PRKG1: variants seen among roughly 807,000 people sequenced by gnomAD.
The protein encoded by PRKG1 is cGMP-dependent protein kinase 1.
A neutral mutation model predicts 88.1 loss-of-function variants in PRKG1; 35 were observed. The ratio of observed to expected loss-of-function variants is 0.40; its 90% CI spans 0.30 to 0.53. The LOEUF is 0.53. Among genes scored for constraint, PRKG1 ranks in the 20% least tolerant of loss-of-function variants. PRKG1 has a pLI of 0.59. For synonymous variants in PRKG1, 303 were observed against 292.5 expected, an observed-to-expected ratio of 1.04 and a Z score of -0.37; for missense variants, 540 against 839.8, an observed-to-expected ratio of 0.64 and a Z score of 4.41.
chr10:51,549,120 C>CTTTTTTTTTTTTTTTTTTTTTTTT lies in PRKG1; in HGVS notation c.592+81305_592+81306insTTTTTTTTTTTTTTTTTTTTTTTT. 2.8e-3 allele frequency among the ~76,000 whole-genome samples: 194 copies of CTTTTTTTTTTTTTTTTTTTTTTTT among 70,336 alleles called. 22 individuals carry two copies. The highest frequency in any genetic ancestry group is 0.014 in the East Asian group (13 of 898). The allele number at this position is 70,336 out of a possible 152,430, so 46.1% of individuals were successfully genotyped here. A position where few individuals can be genotyped will look rare whatever the true frequency, so the allele number is the denominator to read the frequency against. Reference sequence around the variant, plus strand: ...TTCTTTCCTTTCTTTCTTTTCTTTTCTTTTTTTTTTTTTTTTTTTTTGAGA... The same window carrying CTTTTTTTTTTTTTTTTTTTTTTTT: ...TTCTTTCCTTTCTTTCTTTTCTTTTCTTTTTTTTTTTTTTTTTTTTTTTTTTTTTTTTTTTTTTTTTTTTTGAGA... On this transcript the variant is annotated intron_variant, in intron 3 of 17. Coordinates refer to ENST00000373980, the MANE Select transcript of PRKG1 (RefSeq NM_006258.4).
intron 2 of PRKG1, among the ~76,000 whole-genome samples, chr10:51,174,368 A>T (rs1434231264): frequency 6.6e-6 from 1 of 151,980 alleles, no homozygotes. Context: ...ATAAATAAAT[A>T]CTAAATTCTT....
At chr10:51,206,671 G>A (rs2132065140) in intron 2 of PRKG1, among the ~76,000 whole-genome samples, 1 of 152,264 alleles carries the variant, frequency 6.6e-6, no homozygotes, top group South Asian at 2.1e-4. Context: ...TTTTTCTTGG[G>A]AAATAGAGAT....
intron 5 of PRKG1, among the ~76,000 whole-genome samples, chr10:51,979,588 C>T (rs1843951317): frequency 1.4e-5 from 2 of 140,218 alleles, no homozygotes; most frequent in African/African-American, 2.6e-5. Flanking sequence ...TAGAGTTCAA[C>T]TCTGAATCCA....
chr10:52,211,699 TA>T (rs57320498), intron 9 of PRKG1, among the ~76,000 whole-genome samples: 10,024 of 119,898 alleles, frequency 0.084, 553 homozygotes, highest in East Asian at 0.31. Flanking sequence ...CCTATCCTGG[TA>T]AAAAAAAAAA....
chr10:51,944,776 T>C (rs1178405770), intron 5 of PRKG1, among the ~76,000 whole-genome samples: 1 of 152,110 alleles, frequency 6.6e-6, no homozygotes, highest in Non-Finnish European at 1.5e-5. Flanking sequence ...TGAGTGAGTT[T>C]CTTAATCCTG....
At position 51,114,177 on chromosome 10, in the gene PRKG1, C is replaced by T. The variant is rs530016190; in HGVS notation, c.312-38987C>T. Among the ~76,000 whole-genome samples the T allele has an allele frequency of 2.0e-5, 3 of 152,212 alleles. No individual in the cohort carries two copies. The South Asian group carries it at 6.2e-4, about 32-fold the overall frequency. ...TCTAGTCAAACTTCCTTTAATACTACATTGCTCCTATACGACATGATTTAG... is the reference window on the plus strand; with the variant it reads ...TCTAGTCAAACTTCCTTTAATACTATATTGCTCCTATACGACATGATTTAG... On this transcript the variant is annotated intron_variant, in intron 1 of 17. Transcript: ENST00000373980.
At position 51,286,515 on chromosome 10, in the gene PRKG1, T is replaced by TGCC. The variant is rs1312932994; in HGVS notation, c.478+133185_478+133186insGCC. Among the ~76,000 whole-genome samples the TGCC allele has an allele frequency of 2.6e-5, 4 of 152,358 alleles. No individual in the cohort carries two copies. In the East Asian group the frequency reaches 7.7e-4, roughly 29 times the overall value. On this transcript the variant is annotated intron_variant, in intron 2 of 17. Transcript: ENST00000373980. Reference sequence around the variant, plus strand: ...TATTCTAACTTGAATTTCCTCTCTTTATTGCTTTTCCTCTCTTAGCTGTAT... The same window carrying TGCC: ...TATTCTAACTTGAATTTCCTCTCTTTGCCATTGCTTTTCCTCTCTTAGCTGTAT...
At chr10:51,165,196 A>C (rs1379964133) in intron 2 of PRKG1, among the ~76,000 whole-genome samples, 6 of 152,098 alleles carry the variant, frequency 3.9e-5, no homozygotes, top group Non-Finnish European at 8.8e-5. Context: ...TAACAGCAGA[A>C]CTCTCAGCAG....
chr10:51,979,410 G>GTTTTTTTGTTTTT (rs1843937173), intron 5 of PRKG1, among the ~76,000 whole-genome samples: 1 of 47,056 alleles, frequency 2.1e-5, no homozygotes, highest in Non-Finnish European at 3.6e-5. Flanking sequence ...ATATTGGTCT[G>GTTTTTTTGTTTTT]TTTTTTTTTT....
chr10:52,081,024 G>C (rs961502583), intron 7 of PRKG1, among the ~76,000 whole-genome samples: 1 of 152,172 alleles, frequency 6.6e-6, no homozygotes, highest in Admixed American at 6.5e-5. Context: ...CCTGTGTTCA[G>C]TCCGGCTTCC....
chr10:51,740,350 G>T (rs180847688), intron 3 of PRKG1, among the ~76,000 whole-genome samples: 5 of 152,144 alleles, frequency 3.3e-5, no homozygotes, highest in African/African-American at 1.2e-4. Context: ...TTTAATGTGG[G>T]TTATAGCTAT....
intron 8 of PRKG1, among the ~76,000 whole-genome samples, chr10:52,154,679 G>C (rs752048746): frequency 5.9e-5 from 9 of 152,040 alleles, no homozygotes; most frequent in Non-Finnish European, 8.8e-5. Flanking sequence ...TTGGAGTACA[G>C]GTGGTTTTTG....
intron 2 of PRKG1, among the ~76,000 whole-genome samples, chr10:51,172,162 C>A (rs768862215): frequency 2.0e-5 from 3 of 151,980 alleles, no homozygotes; most frequent in Non-Finnish European, 2.9e-5. Flanking sequence ...AATAATGAGT[C>A]ACTTTCATAT....
At chr10:51,447,588 A>G (rs1019711311) in intron 2 of PRKG1, among the ~76,000 whole-genome samples, 1 of 151,990 alleles carries the variant, frequency 6.6e-6, no homozygotes, top group African/African-American at 2.4e-5. Flanking sequence ...ACTCTCTTCT[A>G]TTATTCCACA....
chr10:51,579,269 A>AC lies in PRKG1; in HGVS notation c.592+111435dup, dbSNP rs150795176. On this transcript the variant is annotated intron_variant, in intron 3 of 17. Transcript: ENST00000373980. ...AGTGCTGGGATTACAGGTGTGAGCC[A>AC]CCACACCTGGCTGATTTTATTATTC... 4.6e-3 allele frequency among the ~76,000 whole-genome samples: 700 copies of AC among 152,152 alleles called. 7 individuals are homozygous for AC. The highest frequency in any genetic ancestry group is 0.016 in the African/African-American group (658 of 41,526).
chr10:51,285,167 T>C (rs887670948), intron 2 of PRKG1, among the ~76,000 whole-genome samples: 3 of 151,370 alleles, frequency 2.0e-5, no homozygotes, highest in African/African-American at 7.3e-5. Flanking sequence ...GTTCTTGCGA[T>C]AGTTTACTGA....
intron 3 of PRKG1, among the ~76,000 whole-genome samples, chr10:51,584,499 C>T (rs1564561270): frequency 6.6e-6 from 1 of 152,026 alleles, no homozygotes; most frequent in Admixed American, 6.6e-5. Context: ...CAAAGTTCAA[C>T]AGAGTTCCAT....
intron 8 of PRKG1, among the ~76,000 whole-genome samples, chr10:52,147,278 T>TCCC (rs1837755003): frequency 6.6e-6 from 1 of 152,184 alleles, no homozygotes; most frequent in South Asian, 2.1e-4. Flanking sequence ...CTTGAGAAGA[T>TCCC]CCCAGTTTAT....
chr10:51,967,941 C>A (rs918613911), intron 5 of PRKG1, among the ~76,000 whole-genome samples: 4 of 152,190 alleles, frequency 2.6e-5, no homozygotes, highest in African/African-American at 9.7e-5. Context: ...ATCCCACCAG[C>A]CATTCTCAGT....
Sources: gnomAD v4.1 joint callset for allele counts (sites outside exome capture counted in the v4.1 genomes callset) on GRCh38, gnomAD v4.1.1 for gene constraint, MANE v1.5 for transcripts, NCBI Gene and HGNC (gene_info 2026-07-23, HGNC 2026-07-21) for gene names.